Variants in PCDHA5 observed in about 807,000 individuals in gnomAD.
PCDHA5 encodes the protein protocadherin alpha 5.
A neutral mutation model predicts 61.6 loss-of-function variants in PCDHA5; 43 were observed. The observed-to-expected ratio is 0.70, with a 90% CI of 0.55 to 0.90. PCDHA5 has a LOEUF of 0.90. Ranked by LOEUF, PCDHA5 falls within the 40% of genes least tolerant of loss-of-function variation. The pLI, the probability that PCDHA5 is intolerant of heterozygous loss-of-function variation, is 0.00. For synonymous variants in PCDHA5, 627 were observed against 543.9 expected, an observed-to-expected ratio of 1.15 and a Z score of -2.13; for missense variants, 1,298 against 1,222.7, an observed-to-expected ratio of 1.06 and a Z score of -0.92.
chr5:140,936,200 T>C (rs906256264), intron 1 of PCDHA5, among the ~76,000 whole-genome samples: 4 of 152,322 alleles, frequency 2.6e-5, no homozygotes, highest in African/African-American at 7.2e-5. Context: ...GCCAAAGTTG[T>C]CTTTTTTATT....
At chr5:140,983,807 G>GT (rs1418454252) in intron 3 of PCDHA5, among the ~76,000 whole-genome samples, 1 of 152,100 alleles carries the variant, frequency 6.6e-6, no homozygotes, top group East Asian at 1.9e-4. Flanking sequence ...TGTGTAAAAG[G>GT]TTTTTTCCCA....
In PCDHA5 at chr5:140,843,388, G is replaced by A; in HGVS notation, c.2352+19261G>A. 18 of 1,596,064 alleles carry A rather than the reference G, an allele frequency of 1.1e-5. 1 individual carries two copies. Among genetic ancestry groups the A allele is most frequent in the Non-Finnish European group, 1.5e-5 (17 of 1,165,572 alleles). ...GGCAGTCGGCTGGCGTTTTGGGTCCGGAAGCGGCGCTGGTGGATGTCAACG... is the reference window on the plus strand; with the variant it reads ...GGCAGTCGGCTGGCGTTTTGGGTCCAGAAGCGGCGCTGGTGGATGTCAACG... On this transcript the variant is annotated intron_variant, in intron 1 of 3. Coordinates refer to ENST00000529859, the MANE Select transcript of PCDHA5 (RefSeq NM_018908.3).
chr5:140,931,111 G>A (rs1584701423), intron 1 of PCDHA5, among the ~76,000 whole-genome samples: 2 of 152,116 alleles, frequency 1.3e-5, no homozygotes, highest in East Asian at 3.8e-4. Flanking sequence ...TAATAGGTAT[G>A]CACATCATTA....
At chr5:140,842,832 T>C in intron 1 of PCDHA5, 2 of 1,593,838 alleles carry the variant, frequency 1.3e-6, no homozygotes, top group East Asian at 2.2e-5. Flanking sequence ...GAGCGCTCGC[T>C]GTCGAGCTAC....
At chr5:140,968,125 T>G in intron 1 of PCDHA5, 2 of 1,614,174 alleles carry the variant, frequency 1.2e-6, no homozygotes, top group South Asian at 2.2e-5. Flanking sequence ...CATCCCTGCG[T>G]ACACTGAAGG....
intron 1 of PCDHA5, chr5:140,829,441 C>T (rs1554131960): frequency 6.2e-7 from 1 of 1,613,912 alleles, no homozygotes; most frequent in Non-Finnish European, 8.5e-7. Context: ...ACATGAATGA[C>T]AATGCTCCGG....
chr5:140,864,251 T>C (rs2048389187), intron 1 of PCDHA5: 1 of 152,248 alleles, frequency 6.6e-6, no homozygotes, highest in South Asian at 2.1e-4. Context: ...TTCATTTTCT[T>C]ATTCTGATTT....
At chr5:140,867,536 A>T (rs1177306827) in intron 1 of PCDHA5, 3 of 152,126 alleles carry the variant, frequency 2.0e-5, no homozygotes, top group African/African-American at 7.2e-5. Flanking sequence ...ATATATATAA[A>T]ATATTAGCAT....
intron 1 of PCDHA5, among the ~76,000 whole-genome samples, chr5:140,963,771 G>A (rs2095789886): frequency 6.6e-6 from 1 of 152,164 alleles, no homozygotes; most frequent in South Asian, 2.1e-4. Context: ...ATTTCATGAC[G>A]ACAGCAACAA....
Position 140,842,399 on chromosome 5 carries a change from C to T in PCDHA5, c.2352+18272C>T, listed in dbSNP as rs2150335315. The T allele has an allele frequency of 1.9e-5, 30 of 1,611,330 alleles. No individual in the cohort carries two copies. The South Asian group carries it at 3.2e-4, about 17-fold the overall frequency. Reference sequence around the variant, plus strand: ...ACTGACTTCCTTATCCTTGCCTGTACGTGAAGACGCTCAATTTGGTACTGT... The same window carrying T: ...ACTGACTTCCTTATCCTTGCCTGTATGTGAAGACGCTCAATTTGGTACTGT... On this transcript the variant is annotated intron_variant, in intron 1 of 3. Transcript: ENST00000529859.
At chr5:141,006,755 A>G (rs1554260896) in intron 3 of PCDHA5, among the ~76,000 whole-genome samples, 1 of 152,190 alleles carries the variant, frequency 6.6e-6, no homozygotes, top group East Asian at 1.9e-4. Flanking sequence ...TAAATGGAGA[A>G]TGAAGAATAG....
At chr5:140,872,095 C>G (rs2053482377) in intron 1 of PCDHA5, among the ~76,000 whole-genome samples, 1 of 152,150 alleles carries the variant, frequency 6.6e-6, no homozygotes, top group African/African-American at 2.4e-5. Context: ...GCACTTAGTC[C>G]ATTGGCTTTC....
chr5:140,835,475 A>G (rs141258579), intron 1 of PCDHA5: 5 of 1,613,920 alleles, frequency 3.1e-6, no homozygotes, highest in Middle Eastern at 1.6e-4. Context: ...AGGACGCCCA[A>G]CCAGGTACCG....
At chr5:140,994,236 A>G (rs1222556974) in intron 3 of PCDHA5, among the ~76,000 whole-genome samples, 3 of 152,170 alleles carry the variant, frequency 2.0e-5, no homozygotes, top group African/African-American at 4.8e-5. Context: ...GTTATAATCA[A>G]TTCAAACCCT....
At chr5:140,928,065 T>G in intron 1 of PCDHA5, 20 of 1,614,198 alleles carry the variant, frequency 1.2e-5, no homozygotes, top group Non-Finnish European at 1.6e-5. Context: ...CGGCTTCCTT[T>G]GACAACTACT....
intron 1 of PCDHA5, chr5:140,841,290 T>C (rs2150312636): frequency 6.4e-7 from 1 of 1,558,300 alleles, no homozygotes. Flanking sequence ...TATATTAAGA[T>C]AATATTTTCT....
chr5:140,919,301 A>G (rs1278715166), intron 1 of PCDHA5, among the ~76,000 whole-genome samples: 1 of 152,158 alleles, frequency 6.6e-6, no homozygotes, highest in African/African-American at 2.4e-5. Context: ...CTGTTTGTAC[A>G]ATATATGTTT....
At chr5:140,982,226 A>G in intron 2 of PCDHA5, 1 of 603,292 alleles carries the variant, frequency 1.7e-6, no homozygotes, top group Non-Finnish European at 2.5e-6. Context: ...GCGTTAATAA[A>G]AAACAGAATT....
chr5:140,841,884 A>G, intron 1 of PCDHA5: 1 of 1,613,846 alleles, frequency 6.2e-7, no homozygotes, highest in Non-Finnish European at 8.5e-7. Flanking sequence ...AAGAACGATG[A>G]GAATAAACTG....
Sources: gnomAD v4.1 joint callset for allele counts (sites outside exome capture counted in the v4.1 genomes callset) on GRCh38, gnomAD v4.1.1 for gene constraint, MANE v1.5 for transcripts, NCBI Gene and HGNC (gene_info 2026-07-23, HGNC 2026-07-21) for gene names.